MAGI2: variants seen among roughly 807,000 people sequenced by gnomAD.
MAGI2 encodes the protein membrane associated guanylate kinase, WW and PDZ domain containing 2.
A neutral mutation model predicts 133.3 loss-of-function variants in MAGI2; 35 were observed. The ratio of observed to expected loss-of-function variants is 0.26; its 90% CI spans 0.20 to 0.35. The LOEUF (loss-of-function observed/expected upper bound fraction) is 0.35. Among genes scored for constraint, MAGI2 ranks in the 10% least tolerant of loss-of-function variants. The probability of loss-of-function intolerance (pLI) is 1.00; values close to 1 mark genes in which losing one functional copy is unlikely to be tolerated. For synonymous variants in MAGI2, 729 were observed against 710.6 expected, an observed-to-expected ratio of 1.03 and a Z score of -0.41; for missense variants, 1,636 against 1,863.4, an observed-to-expected ratio of 0.88 and a Z score of 2.25.
chr7:78,623,280 A>G (rs1807943607), intron 3 of MAGI2, among the ~76,000 whole-genome samples: 1 of 151,370 alleles, frequency 6.6e-6, no homozygotes, highest in South Asian at 2.1e-4. Flanking sequence ...CCATTGGTTC[A>G]TTCTTACATA....
chr7:79,365,738 T>C (rs1269729337), intron 1 of MAGI2, among the ~76,000 whole-genome samples: 2 of 151,572 alleles, frequency 1.3e-5, no homozygotes, highest in Non-Finnish European at 2.9e-5. Flanking sequence ...CAGGTGCCTG[T>C]AATCCCAGCT....
intron 2 of MAGI2, among the ~76,000 whole-genome samples, chr7:78,825,018 A>G (rs781490924): frequency 1.1e-4 from 16 of 152,130 alleles, no homozygotes; most frequent in Non-Finnish European, 2.4e-4. Context: ...TTGAATAATG[A>G]GAACACATGG....
intron 2 of MAGI2, among the ~76,000 whole-genome samples, chr7:78,905,178 T>C (rs1367268089): frequency 6.6e-6 from 1 of 152,336 alleles, no homozygotes; most frequent in Middle Eastern, 3.4e-3. Flanking sequence ...GAATATTCCA[T>C]GGTAACTACT....
intron 1 of MAGI2, among the ~76,000 whole-genome samples, chr7:79,253,171 C>A (rs989970200): frequency 6.6e-6 from 1 of 152,062 alleles, no homozygotes; most frequent in Non-Finnish European, 1.5e-5. Context: ...ATTATATGAG[C>A]TTTATTATTT....
chr7:78,156,810 C>T lies in MAGI2; in HGVS notation c.2845+3215G>A, dbSNP rs375811401. ...CACCAAGAAAAAGCTCCCGAAGCCA[C>T]GAAAAAAAAAACAAACCCAAAAAAA... is the stretch of plus-strand genomic sequence containing the variant. On this transcript the variant is annotated intron_variant, in intron 16 of 21. Transcript: ENST00000354212. 4.8e-4 allele frequency among the ~76,000 whole-genome samples: 64 copies of T among 134,408 alleles called. 1 individual carries two copies. In the East Asian group the frequency reaches 9.9e-3, roughly 21 times the overall value. The allele number at this position is 134,408 out of a possible 152,430, so 88.2% of individuals were successfully genotyped here.
chr7:79,228,546 T>C (rs971870912), intron 1 of MAGI2, among the ~76,000 whole-genome samples: 2 of 152,014 alleles, frequency 1.3e-5, no homozygotes, highest in African/African-American at 2.4e-5. Context: ...AGAGCTAATA[T>C]AAAATGTTCT....
chr7:78,777,151 C>T (rs1303799056), intron 2 of MAGI2, among the ~76,000 whole-genome samples: 1 of 152,062 alleles, frequency 6.6e-6, no homozygotes, highest in Non-Finnish European at 1.5e-5. Flanking sequence ...TTTGATTACC[C>T]CATTCTAAGA....
intron 2 of MAGI2, among the ~76,000 whole-genome samples, chr7:78,805,083 TA>T (rs924668764): frequency 3.5e-4 from 53 of 150,056 alleles, no homozygotes; most frequent in South Asian, 4.2e-4. Flanking sequence ...AATAAAAAAA[TA>T]AAAAAAAATA....
intron 1 of MAGI2, among the ~76,000 whole-genome samples, chr7:79,202,218 C>G (rs376478663): frequency 1.3e-5 from 2 of 151,906 alleles, no homozygotes; most frequent in East Asian, 1.9e-4. Context: ...GGTTAAAAAC[C>G]TGTTTGCTTC....
intron 9 of MAGI2, among the ~76,000 whole-genome samples, chr7:78,328,571 CA>C (rs1221357614): frequency 6.7e-6 from 1 of 148,560 alleles, no homozygotes; most frequent in African/African-American, 2.5e-5. Flanking sequence ...ATTACTTTAA[CA>C]CTTTAAAGGC....
intron 1 of MAGI2, among the ~76,000 whole-genome samples, chr7:79,359,588 G>T (rs1842245502): frequency 6.6e-6 from 1 of 151,012 alleles, no homozygotes; most frequent in Non-Finnish European, 1.5e-5. Flanking sequence ...CCCTAAATCA[G>T]CCAGAGAAAA....
chr7:79,019,632 C>T (rs562072270), intron 1 of MAGI2, among the ~76,000 whole-genome samples: 20 of 152,084 alleles, frequency 1.3e-4, no homozygotes, highest in African/African-American at 4.8e-4. Context: ...TCCACTTCTG[C>T]ATCCTGGGTT....
intron 2 of MAGI2, among the ~76,000 whole-genome samples, chr7:78,931,998 C>CA (rs72358342): frequency 0.078 from 6,134 of 78,820 alleles, 143 homozygotes; most frequent in Middle Eastern, 0.13. Flanking sequence ...AAAAGGAAGG[C>CA]AAAAAAAAAA....
At chr7:78,600,213 C>T (rs528868660) in intron 3 of MAGI2, among the ~76,000 whole-genome samples, 1 of 151,844 alleles carries the variant, frequency 6.6e-6, no homozygotes, top group African/African-American at 2.4e-5. Context: ...TCTCCAAAGC[C>T]CTACTAAAAT....
chr7:79,110,152 G>T (rs984535348), intron 1 of MAGI2, among the ~76,000 whole-genome samples: 2 of 151,832 alleles, frequency 1.3e-5, no homozygotes, highest in South Asian at 2.1e-4. Context: ...ATCAGAGGAT[G>T]CATGGAAAAG....
intron 1 of MAGI2, among the ~76,000 whole-genome samples, chr7:79,040,991 C>T (rs568293161): frequency 2.6e-5 from 4 of 152,230 alleles, no homozygotes; most frequent in South Asian, 2.1e-4. Context: ...CTAGAAGAGA[C>T]GTTCTCAGCA....
chr7:78,552,999 G>A (rs1432820175), intron 3 of MAGI2, among the ~76,000 whole-genome samples: 1 of 151,750 alleles, frequency 6.6e-6, no homozygotes, highest in African/African-American at 2.4e-5. Context: ...TAAGAGTTGT[G>A]GCTAGCATGG....
At chr7:78,395,256 A>G (rs1299832560) in intron 6 of MAGI2, among the ~76,000 whole-genome samples, 4 of 152,210 alleles carry the variant, frequency 2.6e-5, no homozygotes, top group Admixed American at 6.6e-5. Flanking sequence ...TAAAAAGAGG[A>G]TAAGATATAG....
At chr7:78,135,820 T>C (rs1822058235) in intron 16 of MAGI2, among the ~76,000 whole-genome samples, 2 of 152,366 alleles carry the variant, frequency 1.3e-5, no homozygotes, top group East Asian at 3.9e-4. Context: ...TAAAGGTTGG[T>C]GTGTTGTCAC....
Sources: allele counts gnomAD v4.1 joint callset (sites outside exome capture counted in the v4.1 genomes callset), GRCh38; gene constraint gnomAD v4.1.1; transcripts MANE v1.5; gene names NCBI Gene and HGNC (gene_info 2026-07-23, HGNC 2026-07-21).